The following SNTG1 variants were observed in gnomAD, a reference collection of about 807,000 sequenced individuals.
SNTG1 encodes gamma-1-syntrophin.
Under a neutral mutation model 74.7 loss-of-function variants are expected in SNTG1, and 39 were observed. The ratio of observed to expected loss-of-function variants is 0.52; its 90% CI spans 0.40 to 0.68. The LOEUF (loss-of-function observed/expected upper bound fraction) is 0.68, where lower values mean the gene tolerates loss of function less well. Among genes scored for constraint, SNTG1 ranks in the 30% least tolerant of loss-of-function variants. SNTG1 has a pLI of 0.00. For missense variants in SNTG1, 685 were observed against 609.5 expected (o/e 1.12, Z -1.30); for synonymous variants, 254 against 217.1 (o/e 1.17, Z -1.49).
intron 4 of SNTG1, among the ~76,000 whole-genome samples, chr8:50,409,544 C>A (rs954827877): frequency 6.6e-6 from 1 of 152,104 alleles, no homozygotes; most frequent in Non-Finnish European, 1.5e-5. Context: ...TGATGCATGG[C>A]CGTTGTCAGA....
chr8:50,621,063 C>CT (rs34101589), intron 13 of SNTG1, among the ~76,000 whole-genome samples: 76 of 145,418 alleles, frequency 5.2e-4, no homozygotes, highest in Middle Eastern at 3.5e-3. Flanking sequence ...AAAGAGATAA[C>CT]TTTTTTTTTT....
intron 15 of SNTG1, among the ~76,000 whole-genome samples, chr8:50,665,285 C>G (rs1281754221): frequency 2.0e-5 from 3 of 151,830 alleles, no homozygotes; most frequent in African/African-American, 7.3e-5. Flanking sequence ...GAAATAGGAG[C>G]CTTATTTCTC....
At chr8:50,693,702 C>T (rs1490417140) in intron 15 of SNTG1, among the ~76,000 whole-genome samples, 1 of 152,112 alleles carries the variant, frequency 6.6e-6, no homozygotes, top group African/African-American at 2.4e-5. Flanking sequence ...TAGGATAAAT[C>T]ATTTAAGCCA....
At chr8:50,288,390 T>G (rs1157913162) in intron 2 of SNTG1, among the ~76,000 whole-genome samples, 1 of 152,206 alleles carries the variant, frequency 6.6e-6, no homozygotes, top group African/African-American at 2.4e-5. Context: ...TCTAATTGGT[T>G]TATTTGTTCT....
chr8:50,696,330 G>C (rs1000996309), intron 15 of SNTG1, among the ~76,000 whole-genome samples: 1 of 151,928 alleles, frequency 6.6e-6, no homozygotes, highest in African/African-American at 2.4e-5. Flanking sequence ...TTTTCTTCTT[G>C]TTGAGTTGTC....
intron 2 of SNTG1, among the ~76,000 whole-genome samples, chr8:50,259,887 G>A (rs2087095283): frequency 6.6e-6 from 1 of 152,120 alleles, no homozygotes; most frequent in African/African-American, 2.4e-5. Context: ...ATGAGACACA[G>A]TCTGGGGTTG....
At chr8:50,577,451 T>G (rs941099870) in intron 12 of SNTG1, among the ~76,000 whole-genome samples, 3 of 151,618 alleles carry the variant, frequency 2.0e-5, no homozygotes, top group Non-Finnish European at 4.4e-5. Context: ...GTCCATAGTT[T>G]TTTTTTTTTG....
intron 15 of SNTG1, among the ~76,000 whole-genome samples, chr8:50,690,404 T>C (rs930520750): frequency 1.3e-5 from 2 of 152,208 alleles, no homozygotes; most frequent in African/African-American, 4.8e-5. Flanking sequence ...AAATTCCCTC[T>C]ACACACTGGT....
chr8:50,447,591 A>T (rs1471579), intron 5 of SNTG1, among the ~76,000 whole-genome samples: 126,752 of 150,726 alleles, frequency 0.84, 53,259 homozygotes, highest in Non-Finnish European at 0.9. Context: ...GACTTCATTC[A>T]TTCATTCATT....
chr8:50,713,219 T>C (rs2095466704), intron 17 of SNTG1, among the ~76,000 whole-genome samples: 1 of 152,166 alleles, frequency 6.6e-6, no homozygotes, highest in Admixed American at 6.5e-5. Context: ...TGGTATCACG[T>C]TGTGGTTTTG....
intron 13 of SNTG1, among the ~76,000 whole-genome samples, chr8:50,610,466 A>C (rs533346047): frequency 6.6e-6 from 1 of 152,234 alleles, no homozygotes; most frequent in Admixed American, 6.5e-5. Flanking sequence ...TGGAAAACTC[A>C]TTTAGGCCTT....
intron 2 of SNTG1, among the ~76,000 whole-genome samples, chr8:50,220,404 G>A (rs1318672046): frequency 6.6e-6 from 1 of 152,086 alleles, no homozygotes; most frequent in African/African-American, 2.4e-5. Context: ...TGAGAACAAA[G>A]AGTTGTGGAA....
chr8:49,988,759 A>G (rs1477603581), intron 1 of SNTG1, among the ~76,000 whole-genome samples: 1 of 152,146 alleles, frequency 6.6e-6, no homozygotes, highest in East Asian at 1.9e-4. Flanking sequence ...TTATTAATGC[A>G]TAGAACTTAA....
chr8:50,636,856 A>T (rs2131147620), intron 13 of SNTG1, among the ~76,000 whole-genome samples: 1 of 152,290 alleles, frequency 6.6e-6, no homozygotes, highest in Middle Eastern at 3.4e-3. Flanking sequence ...CTCCATTCCA[A>T]GTCCCCAAAT....
In SNTG1 at chr8:49,929,408, G is replaced by C. The variant is rs553538792; in HGVS notation, c.-103+17177G>C. ...AAGCCCGCATCTATGTAGAGCTTGT[G>C]CAGGCCATCCCTGATTTAGGATTGA... On this transcript the variant is annotated intron_variant, in intron 1 of 18. Coordinates refer to ENST00000642720, the MANE Select transcript of SNTG1 (RefSeq NM_018967.5). Among the ~76,000 whole-genome samples the C allele has an allele frequency of 5.3e-5, 8 of 152,314 alleles. No homozygotes were observed. In the South Asian group the frequency reaches 1.7e-3, roughly 32 times the overall value.
chr8:50,504,465 A>G (rs1268896193), intron 9 of SNTG1, among the ~76,000 whole-genome samples: 1 of 152,164 alleles, frequency 6.6e-6, no homozygotes, highest in Non-Finnish European at 1.5e-5. Context: ...TTGCTGAGTG[A>G]CTAGAAAGAT....
intron 2 of SNTG1, among the ~76,000 whole-genome samples, chr8:50,243,137 C>G (rs1215790645): frequency 6.6e-6 from 1 of 151,064 alleles, no homozygotes; most frequent in African/African-American, 2.4e-5. Context: ...AATAAATTGA[C>G]CGCTAATGGT....
chr8:50,731,089 A>C (rs2095511872), intron 17 of SNTG1, among the ~76,000 whole-genome samples: 1 of 152,146 alleles, frequency 6.6e-6, no homozygotes, highest in South Asian at 2.1e-4. Flanking sequence ...TTCAGATTAC[A>C]TTTTAGGGTT....
chr8:50,780,132 A>G (rs914039865), intron 18 of SNTG1, among the ~76,000 whole-genome samples: 19 of 152,068 alleles, frequency 1.2e-4, no homozygotes, highest in Admixed American at 1.0e-3. Context: ...TTTTTGCATC[A>G]ATGTTCATCA....
Sources: allele counts gnomAD v4.1 joint callset (sites outside exome capture counted in the v4.1 genomes callset), GRCh38; gene constraint gnomAD v4.1.1; transcripts MANE v1.5; gene names NCBI Gene and HGNC (gene_info 2026-07-23, HGNC 2026-07-21).